ELAVL4: variants seen among roughly 807,000 people sequenced by gnomAD.
ELAVL4 encodes ELAV-like protein 4.
In ELAVL4, 1 loss-of-function variant was observed where a neutral mutation model predicts 35.6. The ratio of observed to expected loss-of-function variants is 0.03; its 90% CI spans 0.01 to 0.13. The LOEUF (loss-of-function observed/expected upper bound fraction) is 0.13. ELAVL4 is among the 10% of genes least tolerant of loss of function. The pLI, the probability that ELAVL4 is intolerant of heterozygous loss-of-function variation, is 1.00. For missense variants in ELAVL4, 267 were observed against 464.9 expected (o/e 0.57, Z 3.91); for synonymous variants, 156 against 171.0 (o/e 0.91, Z 0.69).
At chr1:50,055,045 G>A (rs1663583086) in intron 1 of ELAVL4, among the ~76,000 whole-genome samples, 1 of 152,104 alleles carries the variant, frequency 6.6e-6, no homozygotes, top group Admixed American at 6.6e-5. Flanking sequence ...ATCTAGGGCT[G>A]GGTCTCCACT....
At chr1:50,168,356 A>C (rs1339398713) in intron 2 of ELAVL4, among the ~76,000 whole-genome samples, 1 of 152,098 alleles carries the variant, frequency 6.6e-6, no homozygotes, top group East Asian at 1.9e-4. Flanking sequence ...CAATGCCCTC[A>C]CTTTAACAGT....
intron 2 of ELAVL4, among the ~76,000 whole-genome samples, chr1:50,173,449 T>C (rs1348824839): frequency 6.6e-6 from 1 of 152,236 alleles, no homozygotes; most frequent in Admixed American, 6.5e-5. Context: ...TTCTGAATTA[T>C]AAGTTTCCAT....
rs537947301 is a variant in ELAVL4 at position 50,060,038 on chromosome 1, G to A, written c.18+11856G>A. Among the ~76,000 whole-genome samples, 7 of 152,282 alleles carry A rather than the reference G, an allele frequency of 4.6e-5. No homozygotes were observed. The South Asian group carries it at 1.4e-3, about 32-fold the overall frequency. Reference sequence around the variant, plus strand: ...ATAGAGGTCATGATTGCACAAAAATGTGAACCTACTAAATGCCACTGATTG... The same window carrying A: ...ATAGAGGTCATGATTGCACAAAAATATGAACCTACTAAATGCCACTGATTG... On this transcript the variant is annotated intron_variant, in intron 1 of 6. Coordinates refer to the ELAVL4 transcript ENST00000448907.
chr1:50,122,985 T>G (rs1180047039), intron 1 of ELAVL4, among the ~76,000 whole-genome samples: 2 of 152,062 alleles, frequency 1.3e-5, no homozygotes, highest in African/African-American at 4.8e-5. Context: ...AAAGGAGACA[T>G]GGCCCCCCGT....
intron 1 of ELAVL4, among the ~76,000 whole-genome samples, chr1:50,133,605 AAGAAAGAAAG>A: frequency 8.2e-6 from 1 of 121,752 alleles, no homozygotes; most frequent in South Asian, 2.5e-4. Context: ...AAAGAAAAGA[AAGAAAGAAAG>A]AAAGAAAGAA....
chr1:50,089,831 G>T (rs906548482), intron 1 of ELAVL4, among the ~76,000 whole-genome samples: 1 of 152,190 alleles, frequency 6.6e-6, no homozygotes, highest in Non-Finnish European at 1.5e-5. Context: ...GGAATGAGGT[G>T]TATTTTCTCA....
intron 1 of ELAVL4, among the ~76,000 whole-genome samples, chr1:50,126,805 TC>T (rs1177864539): frequency 1.3e-5 from 2 of 151,936 alleles, no homozygotes; most frequent in African/African-American, 2.4e-5. Context: ...AAAACAAAAC[TC>T]CCCCATGAAA....
At position 50,061,834 on chromosome 1, in the gene ELAVL4, A is replaced by G. The variant is rs549792158; in HGVS notation, c.18+13652A>G. 3.3e-5 allele frequency among the ~76,000 whole-genome samples: 5 copies of G among 152,286 alleles called. No homozygotes were observed. In the East Asian group the frequency reaches 9.7e-4, roughly 29 times the overall value. On this transcript the variant is annotated intron_variant, in intron 1 of 6. Transcript: ENST00000448907. ...CAGGCCTTTGTCTGATTTGCCTCAT[A>G]GTCTGAGACTCTGTCTCCAATTCTA...
intron 1 of ELAVL4, among the ~76,000 whole-genome samples, chr1:50,078,280 A>G: frequency 6.6e-6 from 1 of 152,024 alleles, no homozygotes; most frequent in Non-Finnish European, 1.5e-5. Context: ...GTGAAGCGAT[A>G]AATAATAGGT....
At chr1:50,195,925 A>C in intron 5 of ELAVL4, 139 bp downstream of exon 5, 1 of 963,102 alleles carries the variant, frequency 1.0e-6, no homozygotes, top group Non-Finnish European at 1.5e-6. Flanking sequence ...ACTCCCCCCG[A>C]GCCTCAGTTT....
At chr1:50,088,797 C>G (rs559793391) in intron 1 of ELAVL4, among the ~76,000 whole-genome samples, 1 of 152,150 alleles carries the variant, frequency 6.6e-6, no homozygotes, top group African/African-American at 2.4e-5. Flanking sequence ...GGCACCCACC[C>G]ACACAGCCAG....
At chr1:50,115,070 C>T (rs1667721458) in intron 1 of ELAVL4, 1 of 152,104 alleles carries the variant, frequency 6.6e-6, no homozygotes, top group African/African-American at 2.4e-5. Flanking sequence ...CTCTCTCTCT[C>T]TCTGTCTCTC....
chr1:50,100,357 A>C (rs181723424), upstream of ELAVL4, among the ~76,000 whole-genome samples: 29 of 152,264 alleles, frequency 1.9e-4, no homozygotes, highest in African/African-American at 7.0e-4. Context: ...TTAAAAATGG[A>C]GGAGGTTGGA....
chr1:50,118,981 G>GGAGA (rs1210217099), intron 1 of ELAVL4, among the ~76,000 whole-genome samples: 12 of 125,958 alleles, frequency 9.5e-5, no homozygotes, highest in Middle Eastern at 4.6e-3. Context: ...AGGGAGGGAG[G>GGAGA]GAGAGAGAGA....
chr1:50,085,031 A>C (rs758084279), intron 1 of ELAVL4, among the ~76,000 whole-genome samples: 1 of 152,176 alleles, frequency 6.6e-6, no homozygotes, highest in Non-Finnish European at 1.5e-5. Context: ...AAACTAGATC[A>C]AAGTGTAGGA....
intron 2 of ELAVL4, among the ~76,000 whole-genome samples, chr1:50,169,759 C>A (rs1678648380): frequency 6.6e-6 from 1 of 152,204 alleles, no homozygotes; most frequent in Non-Finnish European, 1.5e-5. Context: ...GCTCAAATGT[C>A]TCCACCTCCA....
intron 1 of ELAVL4, among the ~76,000 whole-genome samples, chr1:50,140,009 T>C (rs563384636): frequency 8.7e-4 from 132 of 152,206 alleles, no homozygotes; most frequent in Non-Finnish European, 1.6e-3. Context: ...GTATAATGTT[T>C]CTTAAAATAT....
chr1:50,086,388 C>A (rs1159635199), intron 1 of ELAVL4, among the ~76,000 whole-genome samples: 1 of 151,036 alleles, frequency 6.6e-6, no homozygotes, highest in Non-Finnish European at 1.5e-5. Flanking sequence ...TCTAGTTTGG[C>A]TTTGAAAAAA....
chr1:50,174,313 T>A (rs1015870964), intron 2 of ELAVL4: 1 of 152,332 alleles, frequency 6.6e-6, no homozygotes. Context: ...AGTTTCATTG[T>A]GGTACCAGAC....
Sources: gnomAD v4.1 joint callset for allele counts (sites outside exome capture counted in the v4.1 genomes callset) on GRCh38, gnomAD v4.1.1 for gene constraint, MANE v1.5 for transcripts, NCBI Gene and HGNC (gene_info 2026-07-23, HGNC 2026-07-21) for gene names.